DMD: variants seen among roughly 807,000 people sequenced by gnomAD.
DMD encodes the protein dystrophin, also known as mutant dystrophin.
In DMD, 63 loss-of-function variants were observed where a neutral mutation model predicts 330.1. The observed-to-expected ratio is 0.19, with a 90% CI of 0.16 to 0.24. DMD has a LOEUF of 0.24. Ranked by LOEUF, DMD falls within the 10% of genes least tolerant of loss-of-function variation. The pLI is 1.00. For missense variants in DMD, 3,344 were observed against 2,684.1 expected (o/e 1.25, Z -5.43); for synonymous variants, 1,223 against 959.8 (o/e 1.27, Z -5.07).
At chrX:33,246,535 C>T (rs1307810238) in intron 1 of DMD, among the ~76,000 whole-genome samples, 1 of 111,594 alleles carries the variant, frequency 9.0e-6, no homozygotes, top group Non-Finnish European at 1.9e-5. Flanking sequence ...TGTTACTTGA[C>T]AATTTAGGAC....
At chrX:32,270,718 G>A (rs1163257827) in intron 43 of DMD, among the ~76,000 whole-genome samples, 2 of 111,727 alleles carry the variant, frequency 1.8e-5, no homozygotes, top group African/African-American at 6.5e-5. Context: ...ATGGAGGAAT[G>A]TGCCCCAAAT....
At chrX:32,533,743 T>A (rs1318701104) in intron 17 of DMD, among the ~76,000 whole-genome samples, 1 of 112,027 alleles carries the variant, frequency 8.9e-6, no homozygotes, top group Non-Finnish European at 1.9e-5. Context: ...CTTGAAATGA[T>A]GTGGACTCAT....
chrX:32,564,986 A>G (rs1002557110), intron 16 of DMD, among the ~76,000 whole-genome samples: 1 of 111,850 alleles, frequency 8.9e-6, no homozygotes, highest in Admixed American at 9.6e-5. Flanking sequence ...TATAATGTTT[A>G]TATCTTGAAT....
intron 7 of DMD, among the ~76,000 whole-genome samples, 163 bp downstream of exon 7, chrX:32,809,330 A>T (rs1442976059): frequency 8.9e-6 from 1 of 111,866 alleles, no homozygotes; most frequent in Non-Finnish European, 1.9e-5. Flanking sequence ...TAAATAAGAC[A>T]ATTCATAATA....
chrX:33,108,022 T>C (rs1229612634), intron 1 of DMD, among the ~76,000 whole-genome samples: 1 of 111,400 alleles, frequency 9.0e-6, no homozygotes, highest in Non-Finnish European at 1.9e-5. Flanking sequence ...GAGGCAAAAT[T>C]ATGCTAGATA....
chrX:31,833,307 AGGGAGAGAGG>A (rs2093105106), intron 49 of DMD, among the ~76,000 whole-genome samples: 1 of 54,178 alleles, frequency 1.8e-5, no homozygotes, highest in African/African-American at 1.1e-4. Flanking sequence ...AGAGGGAGAG[AGGGAGAGAGG>A]GAGAGAGGGA....
intron 13 of DMD, among the ~76,000 whole-genome samples, chrX:32,586,659 A>G (rs2054325552): frequency 1.8e-5 from 2 of 110,406 alleles, no homozygotes; most frequent in African/African-American, 6.6e-5. Flanking sequence ...AAAACTGAAA[A>G]AAATCACATA....
intron 52 of DMD, among the ~76,000 whole-genome samples, chrX:31,720,260 G>T (rs1447901822): frequency 8.9e-6 from 1 of 112,267 alleles, no homozygotes; most frequent in Non-Finnish European, 1.9e-5. Flanking sequence ...TTTTGGTAAA[G>T]AAAGAAGTAG....
At chrX:31,712,342 A>C (rs908992123) in intron 52 of DMD, among the ~76,000 whole-genome samples, 33 of 111,113 alleles carry the variant, frequency 3.0e-4, no homozygotes, top group African/African-American at 1.1e-3. Flanking sequence ...AGATAATTAG[A>C]ATGTTGCCCT....
intron 60 of DMD, among the ~76,000 whole-genome samples, chrX:31,439,772 G>A (rs1490916039): frequency 1.8e-5 from 2 of 111,907 alleles, no homozygotes; most frequent in Non-Finnish European, 3.8e-5. Flanking sequence ...ATTACTCAGT[G>A]TGTGTACTAT....
At chrX:31,744,084 T>C (rs1271272876) in intron 51 of DMD, among the ~76,000 whole-genome samples, 1 of 111,194 alleles carries the variant, frequency 9.0e-6, no homozygotes, top group Non-Finnish European at 1.9e-5. Context: ...CCCAGACTGG[T>C]CTCAAACTTC....
chrX:32,443,953 T>C (rs1008855694), intron 27 of DMD, among the ~76,000 whole-genome samples: 9 of 111,143 alleles, frequency 8.1e-5, no homozygotes, highest in Admixed American at 1.9e-4. Flanking sequence ...TTTTAATTCA[T>C]AGCTGATCTG....
intron 63 of DMD, among the ~76,000 whole-genome samples, chrX:31,225,587 G>A (rs2046501885): frequency 8.9e-6 from 1 of 111,924 alleles, no homozygotes; most frequent in Non-Finnish European, 1.9e-5. Context: ...GATGGTTGAG[G>A]GAATCCTGCT....
chrX:31,537,458 T>C (rs929208627), intron 55 of DMD, among the ~76,000 whole-genome samples: 6 of 112,239 alleles, frequency 5.3e-5, no homozygotes, highest in Non-Finnish European at 9.4e-5. Context: ...ATACTGATAA[T>C]TAAATATCCA....
At chrX:32,288,386 T>C (rs1054338242) in intron 42 of DMD, among the ~76,000 whole-genome samples, 1 of 111,793 alleles carries the variant, frequency 8.9e-6, no homozygotes, top group Non-Finnish European at 1.9e-5. Flanking sequence ...ATTCAAATTA[T>C]TGGGCAAATG....
chrX:32,325,623 C>T (rs866987037), intron 41 of DMD, among the ~76,000 whole-genome samples: 1 of 111,429 alleles, frequency 9.0e-6, no homozygotes, highest in African/African-American at 3.3e-5. Context: ...ACTGCATACC[C>T]AATTGACAGA....
intron 48 of DMD, among the ~76,000 whole-genome samples, chrX:31,845,433 T>C (rs190369160): frequency 0.028 from 1,570 of 56,710 alleles, 36 homozygotes; most frequent in Middle Eastern, 0.058. Context: ...CTCCCTCTCC[T>C]CCCGTCCCTC....
At chrX:33,023,449 G>C (rs1432113949) in intron 1 of DMD, among the ~76,000 whole-genome samples, 1 of 111,640 alleles carries the variant, frequency 9.0e-6, no homozygotes. Flanking sequence ...ATGAGGTTGG[G>C]AATTATCATC....
chrX:31,582,396 A>G (rs2076383980), intron 55 of DMD, among the ~76,000 whole-genome samples: 1 of 111,475 alleles, frequency 9.0e-6, no homozygotes, highest in African/African-American at 3.3e-5. Context: ...CCTTGGAGAG[A>G]TTATGTCATG....
Sources: allele counts gnomAD v4.1 joint callset (sites outside exome capture counted in the v4.1 genomes callset), GRCh38; gene constraint gnomAD v4.1.1; transcripts MANE v1.5; gene names NCBI Gene and HGNC (gene_info 2026-07-23, HGNC 2026-07-21).